TNFAIP8: variants seen among roughly 807,000 people sequenced by gnomAD.
The protein encoded by TNFAIP8 is TNF alpha induced protein 8, also known as tumor necrosis factor alpha-induced protein 8.
In TNFAIP8, 7 loss-of-function variants were observed where a neutral mutation model predicts 13.3. The ratio of observed to expected loss-of-function variants is 0.52; its 90% CI spans 0.30 to 0.99. The LOEUF (loss-of-function observed/expected upper bound fraction) is 0.99, where lower values mean the gene tolerates loss of function less well. TNFAIP8 is among the 50% of genes least tolerant of loss of function. TNFAIP8 has a pLI of 0.07. For synonymous variants in TNFAIP8, 94 were observed against 87.6 expected, an observed-to-expected ratio of 1.07 and a Z score of -0.41; for missense variants, 258 against 236.9, an observed-to-expected ratio of 1.09 and a Z score of -0.58.
intron 1 of TNFAIP8, among the ~76,000 whole-genome samples, chr5:119,364,467 C>G (rs1353044346): frequency 6.6e-6 from 1 of 151,846 alleles, no homozygotes; most frequent in African/African-American, 2.4e-5. Flanking sequence ...CCTACCTTAC[C>G]CTGCCAAGTA....
chr5:119,287,944 T>G (rs1447145066), intron 1 of TNFAIP8, among the ~76,000 whole-genome samples: 1 of 152,174 alleles, frequency 6.6e-6, no homozygotes, highest in Non-Finnish European at 1.5e-5. Flanking sequence ...TCTCAGTTGG[T>G]CTAGACAGTC....
At chr5:119,355,353 TGAA>T (rs950875633), upstream of TNFAIP8, 14 of 702,314 alleles carry the variant, frequency 2.0e-5, no homozygotes, top group African/African-American at 2.1e-4. Flanking sequence ...GGGGCTATAC[TGAA>T]TGAGTAAGCA....
At chr5:119,336,027 C>T (rs1042668154) in intron 1 of TNFAIP8, among the ~76,000 whole-genome samples, 4 of 151,734 alleles carry the variant, frequency 2.6e-5, no homozygotes, top group Non-Finnish European at 5.9e-5. Context: ...AGAGGGCAAG[C>T]GGCTGCAAAG....
At chr5:119,275,788 T>A (rs954683391) in intron 1 of TNFAIP8, among the ~76,000 whole-genome samples, 1 of 152,164 alleles carries the variant, frequency 6.6e-6, no homozygotes, top group Non-Finnish European at 1.5e-5. Context: ...CTACTGATCA[T>A]AACATAGTAT....
chr5:119,380,416 A>G lies in TNFAIP8; in HGVS notation c.32-12400A>G, dbSNP rs149997311. On this transcript the variant is annotated intron_variant, in intron 1 of 1. Coordinates refer to ENST00000504771, the MANE Select transcript of TNFAIP8 (RefSeq NM_014350.4). ...AAGCCCTGCATGAATATAAATATTC[A>G]TCAAGAGTCAGGGCCTCTGGCAGGA... Among the ~76,000 whole-genome samples the G allele has an allele frequency of 2.7e-3, 415 of 152,362 alleles. 2 individuals are homozygous for G. The highest frequency in any genetic ancestry group is 9.6e-3 in the African/African-American group (398 of 41,586).
intron 1 of TNFAIP8, among the ~76,000 whole-genome samples, chr5:119,385,186 T>G (rs1231076470): frequency 6.6e-6 from 1 of 152,226 alleles, no homozygotes; most frequent in Non-Finnish European, 1.5e-5. Flanking sequence ...ACCTCCAGTG[T>G]AGAAGATGAG....
intron 1 of TNFAIP8, among the ~76,000 whole-genome samples, chr5:119,337,238 C>A (rs1399652770): frequency 3.9e-5 from 6 of 152,240 alleles, no homozygotes; most frequent in African/African-American, 1.4e-4. Context: ...ACCTCATCAT[C>A]ATATCTTGCA....
chr5:119,332,816 G>A (rs1315085230), intron 1 of TNFAIP8, among the ~76,000 whole-genome samples: 1 of 152,178 alleles, frequency 6.6e-6, no homozygotes, highest in Non-Finnish European at 1.5e-5. Flanking sequence ...CTATTAGATT[G>A]TATAAATGCA....
rs11064 is a variant in TNFAIP8, at chr5:119,393,693, A to G, written c.*312A>G. 0.25 allele frequency: 67,053 copies of G among 271,980 alleles called. 8,658 individuals carry two copies. The highest frequency in any genetic ancestry group is 0.26 in the African/African-American group (12,024 of 45,794). The allele number at this position is 271,980 out of a possible 1,614,324, so 16.8% of individuals were successfully genotyped here. A position where few individuals can be genotyped will look rare whatever the true frequency, so the allele number is the denominator to read the frequency against. On this transcript the variant is annotated 3_prime_UTR_variant, in exon 2 of 2. Transcript: ENST00000504771. ...AGACCTGAGGACTTTTTAATAGGGC[A>G]GTTGTTGTGTTGGTGGCACATTGGA...
At chr5:119,289,404 G>A (rs145294872) in intron 1 of TNFAIP8, among the ~76,000 whole-genome samples, 7 of 152,322 alleles carry the variant, frequency 4.6e-5, no homozygotes, top group African/African-American at 1.7e-4. Context: ...TAAGAGGACT[G>A]TTAGGTTTGT....
intron 1 of TNFAIP8, among the ~76,000 whole-genome samples, chr5:119,376,883 A>G (rs1447753565): frequency 6.6e-6 from 1 of 152,160 alleles, no homozygotes; most frequent in African/African-American, 2.4e-5. Flanking sequence ...CTCTGCTCAA[A>G]TGTCGCCTTT....
chr5:119,292,685 TACACACACACACAATGAA>T (rs1749033135), intron 1 of TNFAIP8, among the ~76,000 whole-genome samples: 12 of 52,298 alleles, frequency 2.3e-4, no homozygotes, highest in East Asian at 1.5e-3. Context: ...TATATATATA[TACACACACACACAATGAA>T]ATACTATTTA....
At chr5:119,334,530 G>C (rs182320784) in intron 1 of TNFAIP8, among the ~76,000 whole-genome samples, 35 of 151,578 alleles carry the variant, frequency 2.3e-4, no homozygotes, top group African/African-American at 8.5e-4. Flanking sequence ...ATAGAGTCCT[G>C]ACTTCTCTTG....
intron 1 of TNFAIP8, among the ~76,000 whole-genome samples, chr5:119,366,429 C>G (rs932558794): frequency 5.9e-5 from 9 of 152,212 alleles, no homozygotes; most frequent in African/African-American, 2.2e-4. Flanking sequence ...AATGCTGCCC[C>G]TCTTCCAACT....
At chr5:119,364,518 T>C (rs940437239) in intron 1 of TNFAIP8, among the ~76,000 whole-genome samples, 37 of 152,138 alleles carry the variant, frequency 2.4e-4, no homozygotes, top group African/African-American at 7.5e-4. Flanking sequence ...AGCTAATTTT[T>C]AAATTGTTTT....
intron 1 of TNFAIP8, among the ~76,000 whole-genome samples, chr5:119,356,519 G>T (rs892262445): frequency 5.3e-5 from 8 of 152,164 alleles, no homozygotes; most frequent in Non-Finnish European, 1.0e-4. Context: ...TTGAAAAGGG[G>T]TTTGAGAAAT....
At chr5:119,269,766 A>G (rs542256622) in intron 1 of TNFAIP8, among the ~76,000 whole-genome samples, 2 of 152,170 alleles carry the variant, frequency 1.3e-5, no homozygotes, top group Non-Finnish European at 2.9e-5. Context: ...ATTGCTTAAG[A>G]CTGATAATTC....
At chr5:119,388,466 C>T (rs1423623280) in intron 1 of TNFAIP8, among the ~76,000 whole-genome samples, 2 of 152,164 alleles carry the variant, frequency 1.3e-5, no homozygotes, top group Non-Finnish European at 2.9e-5. Context: ...CAGCCACTCT[C>T]TAGGCCTGCA....
chr5:119,290,465 T>G (rs6891989), intron 1 of TNFAIP8, among the ~76,000 whole-genome samples: 2 of 151,978 alleles, frequency 1.3e-5, no homozygotes, highest in African/African-American at 2.4e-5. Context: ...CACAGGTTTA[T>G]TGGAGTGTCC....
Sources: gnomAD v4.1 joint callset for allele counts (sites outside exome capture counted in the v4.1 genomes callset) on GRCh38, gnomAD v4.1.1 for gene constraint, MANE v1.5 for transcripts, NCBI Gene and HGNC (gene_info 2026-07-23, HGNC 2026-07-21) for gene names.